The following MLPH variants were observed in gnomAD, a reference collection of about 807,000 sequenced individuals.
MLPH encodes the protein melanophilin, also known as exophilin-3.
A neutral mutation model predicts 72.1 loss-of-function variants in MLPH; 51 were observed. That is an observed-to-expected ratio of 0.71 (90% CI 0.56 to 0.89). The LOEUF is 0.89. Among genes scored for constraint, MLPH ranks in the 40% least tolerant of loss-of-function variants. MLPH has a pLI of 0.00. For missense variants in MLPH, 743 were observed against 759.9 expected (o/e 0.98, Z 0.26); for synonymous variants, 301 against 310.1 (o/e 0.97, Z 0.31).
chr2:237,513,008 AC>A (rs2079938607), intron 4 of MLPH, among the ~76,000 whole-genome samples: 1 of 152,058 alleles, frequency 6.6e-6, no homozygotes, highest in Non-Finnish European at 1.5e-5. Flanking sequence ...CCAAGCGCCC[AC>A]AGGGGCTGCA....
chr2:237,527,306 A>C, intron 7 of MLPH, 71 bp from the exon 8 acceptor site: 1 of 1,588,444 alleles, frequency 6.3e-7, no homozygotes, highest in African/African-American at 1.3e-5. Context: ...ATTTTTCTTC[A>C]TTGGACTAAA....
intron 2 of MLPH, 47 bp downstream of exon 2, chr2:237,493,583 C>T: frequency 6.9e-7 from 1 of 1,441,086 alleles, no homozygotes; most frequent in Non-Finnish European, 9.8e-7. Context: ...CCCTGATCTT[C>T]CCCCAGGGCC....
chr2:237,503,501 C>T (rs900165559), intron 2 of MLPH, among the ~76,000 whole-genome samples: 8 of 152,172 alleles, frequency 5.3e-5, no homozygotes, highest in Non-Finnish European at 1.2e-4. Flanking sequence ...CGGTGCTGCT[C>T]CTCAGCAATG....
chr2:237,498,364 G>C (rs931843774), intron 2 of MLPH, among the ~76,000 whole-genome samples: 2 of 152,224 alleles, frequency 1.3e-5, no homozygotes, highest in Admixed American at 1.3e-4. Flanking sequence ...CGCTGGGCAG[G>C]GTCTGGAGGT....
chr2:237,546,826 C>T (rs1185753139), intron 13 of MLPH, 143 bp downstream of exon 13: 13 of 755,066 alleles, frequency 1.7e-5, no homozygotes, highest in Non-Finnish European at 2.4e-6. Context: ...ACAGCTGCCA[C>T]AACACCGTGG....
chr2:237,509,080 G>A (rs1273479302), intron 2 of MLPH, among the ~76,000 whole-genome samples: 1 of 152,206 alleles, frequency 6.6e-6, no homozygotes, highest in African/African-American at 2.4e-5. Flanking sequence ...GGGTCTTGTT[G>A]ATACGTCCTG....
chr2:237,545,387 G>A (rs2106403668), intron 12 of MLPH: 1 of 1,201,962 alleles, frequency 8.3e-7, no homozygotes, highest in Admixed American at 2.6e-5. Context: ...TTTCCTCATA[G>A]CCAGTTAGCC....
At chr2:237,519,708 G>A (rs1347419267) in intron 5 of MLPH, among the ~76,000 whole-genome samples, 3 of 152,178 alleles carry the variant, frequency 2.0e-5, no homozygotes, top group Non-Finnish European at 2.9e-5. Context: ...GATGGGCACC[G>A]TGAGCACCAA....
chr2:237,527,641 C>A, intron 8 of MLPH, 125 bp downstream of exon 8: 1 of 1,220,058 alleles, frequency 8.2e-7, no homozygotes, highest in East Asian at 2.5e-5. Context: ...TTGCACAAGC[C>A]TACTTAATGG....
At chr2:237,526,903 T>C (rs10185109) in intron 7 of MLPH, among the ~76,000 whole-genome samples, 37,115 of 152,164 alleles carry the variant, frequency 0.24, 6,246 homozygotes, top group African/African-American at 0.48. Context: ...ACAAATCGCT[T>C]AACCTCTGTG....
intron 8 of MLPH, 121 bp from the exon 9 acceptor site, chr2:237,534,443 G>A (rs2080489286): frequency 1.2e-6 from 1 of 809,754 alleles, no homozygotes; most frequent in Admixed American, 1.8e-5. Flanking sequence ...GTCATGGGTG[G>A]TGGCCTTAGC....
intron 2 of MLPH, among the ~76,000 whole-genome samples, chr2:237,495,706 C>G (rs1192515943): frequency 6.6e-6 from 1 of 152,182 alleles, no homozygotes; most frequent in Non-Finnish European, 1.5e-5. Flanking sequence ...CCAGTCACCC[C>G]TGGATTTCAT....
rs1185772232 is a variant in MLPH, at chr2:237,505,319, G to T, written c.111-5255G>T. 6.6e-6 allele frequency among the ~76,000 whole-genome samples: 1 copy of T among 152,110 alleles called. No individual in the cohort carries two copies. Among genetic ancestry groups the T allele is most frequent in the African/African-American group, 2.4e-5 (1 of 41,424 alleles). ...CCCAGCCACATACCCACGTGCTGTG[G>T]CCTCTTCCACCAACCCCAAGCCTCT... On this transcript the variant is annotated intron_variant, in intron 2 of 15. Coordinates refer to ENST00000264605, the MANE Select transcript of MLPH (RefSeq NM_024101.7). The surrounding 1 kb of genome is among the most constrained non-coding windows in gnomAD (Gnocchi z 4.5).
At chr2:237,486,505 G>T (rs2079321666), upstream of MLPH, 1 of 152,300 alleles carries the variant, frequency 6.6e-6, no homozygotes. Flanking sequence ...GCACCCAAAG[G>T]CCGGCCCTAG....
chr2:237,549,927 G>A (rs1481425646), intron 14 of MLPH, among the ~76,000 whole-genome samples: 1 of 152,208 alleles, frequency 6.6e-6, no homozygotes, highest in African/African-American at 2.4e-5. Context: ...GACAGTGTGT[G>A]TCCCTCCTCT....
At chr2:237,488,024 C>G (rs1046885484) in intron 1 of MLPH, among the ~76,000 whole-genome samples, 5 of 152,026 alleles carry the variant, frequency 3.3e-5, no homozygotes, top group Non-Finnish European at 7.4e-5. Context: ...CTGTGGGCTT[C>G]GTCCCTACTA....
chr2:237,543,104 G>C, intron 12 of MLPH, among the ~76,000 whole-genome samples: 1 of 72,494 alleles, frequency 1.4e-5, no homozygotes, highest in African/African-American at 6.5e-5. Context: ...GGGGACAGTG[G>C]TGAGTGGGGG....
At chr2:237,497,927 A>G (rs2079568748) in intron 2 of MLPH, among the ~76,000 whole-genome samples, 1 of 152,202 alleles carries the variant, frequency 6.6e-6, no homozygotes, top group Non-Finnish European at 1.5e-5. Context: ...GGGACCACTA[A>G]GTAGGTGGCG....
intron 6 of MLPH, among the ~76,000 whole-genome samples, chr2:237,521,200 C>T (rs983392972): frequency 4.0e-5 from 6 of 151,740 alleles, no homozygotes; most frequent in African/African-American, 9.7e-5. Context: ...CCTATTAGAG[C>T]GAAGAAAACA....
Sources: allele counts gnomAD v4.1 joint callset (sites outside exome capture counted in the v4.1 genomes callset), GRCh38; gene constraint gnomAD v4.1.1; non-coding constraint Gnocchi (gnomAD v3.1); transcripts MANE v1.5; gene names NCBI Gene and HGNC (gene_info 2026-07-23, HGNC 2026-07-21).